TRPM3: variants seen among roughly 807,000 people sequenced by gnomAD.
The protein encoded by TRPM3 is transient receptor potential cation channel subfamily M member 3.
A neutral mutation model predicts 181.2 loss-of-function variants in TRPM3; 77 were observed. That is an observed-to-expected ratio of 0.42 (90% confidence interval 0.35 to 0.51). The LOEUF is 0.51. TRPM3 is among the 20% of genes least tolerant of loss of function. TRPM3 has a pLI of 0.01. For synonymous variants in TRPM3, 745 were observed against 796.4 expected, an observed-to-expected ratio of 0.94 and a Z score of 1.09; for missense variants, 1,759 against 2,196.7, an observed-to-expected ratio of 0.80 and a Z score of 3.98.
intron 1 of TRPM3, among the ~76,000 whole-genome samples, chr9:71,043,189 T>A (rs2059029823): frequency 6.6e-6 from 1 of 152,198 alleles, no homozygotes; most frequent in Non-Finnish European, 1.5e-5. Context: ...ATATTCTCTC[T>A]CAATTCCTTA....
intron 9 of TRPM3, 151 bp from the exon 10 acceptor site, chr9:70,640,811 T>G (rs1039086823): frequency 2.1e-5 from 12 of 584,808 alleles, no homozygotes; most frequent in African/African-American, 2.0e-4. Flanking sequence ...AACTTGGTAT[T>G]ATTAACATTT....
intron 1 of TRPM3, among the ~76,000 whole-genome samples, chr9:70,886,667 T>C (rs2096088365): frequency 6.6e-6 from 1 of 151,934 alleles, no homozygotes; most frequent in African/African-American, 2.4e-5. Context: ...TTTTTTTCTT[T>C]TTTTCTTTTT....
chr9:71,017,071 G>GT (rs1181709596), intron 1 of TRPM3, among the ~76,000 whole-genome samples: 1 of 152,042 alleles, frequency 6.6e-6, no homozygotes, highest in African/African-American at 2.4e-5. Context: ...TCTATATACT[G>GT]TTAAAAATAT....
In TRPM3 at chr9:70,537,233, G is replaced by A. The variant is rs148061413; in HGVS notation, c.3880C>T (p.Arg1294Cys). ...GTGCAGTCTGACGAGGTCCTCGAGCGGATTTTGTTGGACTCGGCCCGCTCC... is the reference window on the plus strand; with the variant it reads ...GTGCAGTCTGACGAGGTCCTCGAGCAGATTTTGTTGGACTCGGCCCGCTCC... ...GLERAESNKIRSRTSSDCTDA... is the reference protein window; with the variant it reads ...GLERAESNKICSRTSSDCTDA... The change falls in exon 26 of 26, where the codon CGC becomes TGC. Residue 1294 changes from arginine to cysteine, a missense_variant. Around this residue, in one of 8 missense-constraint regions of TRPM3, gnomAD observed 612 missense variants for 590.0 expected, o/e 1.04. Coordinates refer to ENST00000677713, the MANE Select transcript of TRPM3 (RefSeq NM_001366145.2). The A allele has an allele frequency of 3.6e-5, 58 of 1,597,132 alleles. No homozygotes were observed. Among genetic ancestry groups the A allele is most frequent in the South Asian group, 2.7e-4 (24 of 90,014 alleles).
At chr9:71,308,864 A>G (rs2087640693) in intron 1 of TRPM3, among the ~76,000 whole-genome samples, 1 of 152,116 alleles carries the variant, frequency 6.6e-6, no homozygotes. Context: ...ACATTAAATC[A>G]CACTCCTCCC....
intron 1 of TRPM3, among the ~76,000 whole-genome samples, chr9:71,100,308 C>T (rs745408542): frequency 6.2e-4 from 94 of 151,910 alleles, no homozygotes; most frequent in Admixed American, 1.4e-3. Context: ...ATCCATCTAG[C>T]AATAAAGATA....
At chr9:71,418,829 C>A (rs1588941007) in intron 1 of TRPM3, among the ~76,000 whole-genome samples, 4 of 78,222 alleles carry the variant, frequency 5.1e-5, no homozygotes, top group African/African-American at 1.2e-4. Context: ...ATATATATAT[C>A]CTTTGAGATA....
At chr9:71,306,091 T>C (rs1484447477) in intron 1 of TRPM3, among the ~76,000 whole-genome samples, 1 of 152,132 alleles carries the variant, frequency 6.6e-6, no homozygotes, top group Non-Finnish European at 1.5e-5. Context: ...CATATACACC[T>C]TGTTTTACAT....
At position 71,003,740 on chromosome 9, in the gene TRPM3, T is replaced by C. The variant is rs2097643734; in HGVS notation, c.177+117438A>G. Among the ~76,000 whole-genome samples, 3 of 152,122 alleles carry C rather than the reference T, an allele frequency of 2.0e-5. No individual in the cohort carries two copies. In the South Asian group the frequency reaches 6.2e-4, roughly 32 times the overall value. On this transcript the variant is annotated intron_variant, in intron 1 of 25. Transcript: ENST00000677713. ...ATTTGCAGTCGGCAAGGTGGTGGAA[T>C]GAAGAGCCCCCCGAAATCACTCCCC...
At chr9:71,105,804 T>TAC (rs976059903) in intron 1 of TRPM3, among the ~76,000 whole-genome samples, 1 of 152,172 alleles carries the variant, frequency 6.6e-6, no homozygotes, top group African/African-American at 2.4e-5. Context: ...AGTACGTGTA[T>TAC]ACACACACAC....
chr9:70,844,736 G>C (rs1371102719), intron 4 of TRPM3, among the ~76,000 whole-genome samples: 2 of 152,284 alleles, frequency 1.3e-5, no homozygotes, highest in South Asian at 4.1e-4. Flanking sequence ...GTGGCATGTA[G>C]GCTATAAATT....
chr9:71,301,086 A>T (rs78063320), intron 1 of TRPM3, among the ~76,000 whole-genome samples: 69 of 152,308 alleles, frequency 4.5e-4, no homozygotes, highest in African/African-American at 1.6e-3. Flanking sequence ...ATTTAAAAGC[A>T]TAAGAAGAAA....
intron 9 of TRPM3, among the ~76,000 whole-genome samples, chr9:70,651,376 A>C (rs755092393): frequency 1.1e-4 from 16 of 152,102 alleles, no homozygotes; most frequent in Admixed American, 4.6e-4. Flanking sequence ...ATAGCATTTC[A>C]GTTTAGTTAT....
At chr9:71,170,394 G>T (rs1017558704) in intron 1 of TRPM3, among the ~76,000 whole-genome samples, 2 of 152,170 alleles carry the variant, frequency 1.3e-5, no homozygotes, top group Admixed American at 6.5e-5. Flanking sequence ...CAGCACTGTG[G>T]ATTAAGCTTA....
At chr9:70,741,180 A>G (rs537627733) in intron 8 of TRPM3, among the ~76,000 whole-genome samples, 58 of 152,356 alleles carry the variant, frequency 3.8e-4, no homozygotes, top group African/African-American at 1.3e-3. Flanking sequence ...GAAAGAAGAT[A>G]TACAAATGAC....
At chr9:70,895,759 T>A (rs1016582103) in intron 1 of TRPM3, among the ~76,000 whole-genome samples, 4 of 152,078 alleles carry the variant, frequency 2.6e-5, no homozygotes, top group Admixed American at 6.6e-5. Flanking sequence ...AAAGTTATAA[T>A]CTTTATAACT....
intron 1 of TRPM3, among the ~76,000 whole-genome samples, chr9:71,248,039 A>G (rs2082136365): frequency 6.6e-6 from 1 of 152,160 alleles, no homozygotes; most frequent in Non-Finnish European, 1.5e-5. Context: ...AAGAACATTG[A>G]AATGATTGAG....
At chr9:71,051,081 G>C (rs1245577509) in intron 1 of TRPM3, among the ~76,000 whole-genome samples, 1 of 152,152 alleles carries the variant, frequency 6.6e-6, no homozygotes, top group Admixed American at 6.5e-5. Context: ...GGAAAAGAGG[G>C]AGATGACTGG....
intron 1 of TRPM3, among the ~76,000 whole-genome samples, chr9:71,397,705 T>C (rs2093233653): frequency 6.6e-6 from 1 of 152,240 alleles, no homozygotes; most frequent in African/African-American, 2.4e-5. Context: ...TGAAATGCAG[T>C]CACCTAAATT....
Sources: gnomAD v4.1 joint callset for allele counts (sites outside exome capture counted in the v4.1 genomes callset) on GRCh38, gnomAD v4.1.1 for gene constraint, gnomAD v4.1.1 regional missense constraint, MANE v1.5 for transcripts, NCBI Gene and HGNC (gene_info 2026-07-23, HGNC 2026-07-21) for gene names.